The following LCN6 variants were observed in gnomAD, a reference collection of about 807,000 sequenced individuals.
LCN6 encodes epididymal-specific lipocalin-6.
LCN6 carries 20 observed loss-of-function variants against 21.4 expected under a neutral mutation model. The ratio of observed to expected loss-of-function variants is 0.93; its 90% CI spans 0.66 to 1.36. The LOEUF (loss-of-function observed/expected upper bound fraction) is 1.36. LCN6 is among the 40% of genes most tolerant of loss of function. LCN6 has a pLI of 0.00. For missense variants in LCN6, 217 were observed against 206.6 expected (o/e 1.05, Z -0.31); for synonymous variants, 96 against 89.0 (o/e 1.08, Z -0.44).
intron 1 of LCN6, 101 bp from the exon 2 acceptor site, chr9:136,747,664 T>TTG (rs1847062343): frequency 2.3e-6 from 2 of 856,410 alleles, no homozygotes; most frequent in African/African-American, 6.3e-5. Flanking sequence ...ACCTCCAGCC[T>TTG]CAGCCTCCAC....
chr9:136,746,157 G>A (rs1026591154), intron 2 of LCN6: 8 of 519,168 alleles, frequency 1.5e-5, no homozygotes, highest in Non-Finnish European at 1.4e-5. Context: ...CACCAGGAAC[G>A]CTGAATGCTG....
intron 1 of LCN6, 121 bp from the exon 2 acceptor site, chr9:136,747,684 A>AGCCTCCAGATC (rs1564327587): frequency 1.5e-6 from 1 of 667,414 alleles, no homozygotes; most frequent in African/African-American, 3.9e-5. Context: ...CCCTCCAACC[A>AGCCTCCAGATC]TCCAGCCCTC....
Position 136,745,695 on chromosome 9 carries a change from C to T in LCN6, c.301+149G>A, listed in dbSNP as rs115179553. ...AATCCTCTGTCCAGGGGCTTCTCTT[C>T]ACCCTCAGGATGGGCAGCAATCCCA... On this transcript the variant is annotated intron_variant, in intron 3 of 6. Transcript: ENST00000341206. 3.8e-3 allele frequency: 2,732 copies of T among 724,682 alleles called. 57 individuals carry two copies. The African/African-American group carries it at 0.042, about 11-fold the overall frequency. 44.9% of individuals were successfully genotyped at this position (724,682 alleles called of 1,614,324 possible).
chr9:136,747,962 C>T (rs1847072243), intron 1 of LCN6, among the ~76,000 whole-genome samples: 1 of 141,710 alleles, frequency 7.1e-6, no homozygotes, highest in South Asian at 2.2e-4. Context: ...AACCTCCAGC[C>T]TGCAGCCCTG....
Position 136,747,486 on chromosome 9 carries a change from G to A in LCN6, c.168C>T (p.Val56=), listed in dbSNP as rs1332307491. ...GFAMEKDMKN[V]VGVVVTLTPE... is the part of the protein sequence containing the mutation. The stretch of plus-strand genomic sequence containing the variant: ...GAGTGAGGGTCACCACCACCCCCAC[G>A]ACGTTCTTCATGTCCTTCTCCATGG... The change falls in exon 2 of 7, where the codon GTC becomes GTT. Residue 56 remains valine (V), a synonymous_variant. Coordinates refer to ENST00000341206, the MANE Select transcript of LCN6 (RefSeq NM_198946.3). 7 of 1,613,654 alleles carry A rather than the reference G, an allele frequency of 4.3e-6. No homozygotes were observed. Among genetic ancestry groups the A allele is most frequent in the Middle Eastern group, 1.7e-4 (1 of 6,058 alleles).
chr9:136,748,347 G>A, intron 1 of LCN6, 47 bp downstream of exon 1: 1 of 1,515,362 alleles, frequency 6.6e-7, no homozygotes, highest in South Asian at 1.2e-5. Context: ...TTAAAGGAGG[G>A]GCTGGCCCCC....
chr9:136,744,765 G>C lies in LCN6; in HGVS notation c.413-24C>G. 1 of 1,577,394 alleles carries C rather than the reference G, an allele frequency of 6.3e-7. No homozygotes were observed. The highest frequency in any genetic ancestry group is 1.3e-5 in the African/African-American group (1 of 74,374). On this transcript the variant is annotated intron_variant, in intron 4 of 6. Transcript: ENST00000341206. This position sits in a 1 kb window ranked among gnomAD's most constrained non-coding sequence, Gnocchi z 4.2. ...ACCTGGGGGCACCAGGGCAGTGCAG[G>C]GGGAAGCAACCTCTGAGAGCTGGGG...
chr9:136,747,756 C>T (rs1378097748), intron 1 of LCN6, among the ~76,000 whole-genome samples, 193 bp from the exon 2 acceptor site: 1 of 138,886 alleles, frequency 7.2e-6, no homozygotes, highest in Non-Finnish European at 1.6e-5. Context: ...CCAGCCTCCA[C>T]CCTCCAACCA....
Position 136,747,898 on chromosome 9 carries a change from C to T in LCN6, c.91-335G>A, listed in dbSNP as rs144237785. 7.3e-3 allele frequency among the ~76,000 whole-genome samples: 1,045 copies of T among 142,416 alleles called. 9 individuals are homozygous for T. Among genetic ancestry groups the T allele is most frequent in the African/African-American group, 0.027 (995 of 36,548 alleles). 93.4% of individuals were successfully genotyped at this position (142,416 alleles called of 152,430 possible). On this transcript the variant is annotated intron_variant, in intron 1 of 6. Coordinates refer to ENST00000341206, the MANE Select transcript of LCN6 (RefSeq NM_198946.3). ...CCAACCCCCCAGACCTCCAACCCTC[C>T]AGCCTCCAGCCTTCCAGCCCTACAG...
chr9:136,744,875 AG>A lies in LCN6; in HGVS notation c.413-135del. Reference sequence around the variant, plus strand: ...CCCCGGTCCTTCCAAAGCCACCTCCAGTGCAGCGAGCCTCAAGGTGGGGGAA... The same window carrying A: ...CCCCGGTCCTTCCAAAGCCACCTCCATGCAGCGAGCCTCAAGGTGGGGGAA... On this transcript the variant is annotated intron_variant, in intron 4 of 6. Coordinates refer to ENST00000341206, the MANE Select transcript of LCN6 (RefSeq NM_198946.3). This position sits in a 1 kb window ranked among gnomAD's most constrained non-coding sequence, Gnocchi z 4.2. 1 of 693,128 alleles carries A rather than the reference AG, an allele frequency of 1.4e-6. No individual in the cohort carries two copies. Among genetic ancestry groups the A allele is most frequent in the Non-Finnish European group, 2.5e-6 (1 of 399,632 alleles). The allele number at this position is 693,128 out of a possible 1,614,324, so 42.9% of individuals were successfully genotyped here. A position where few individuals can be genotyped will look rare whatever the true frequency, so the allele number is the denominator to read the frequency against.
In LCN6 at chr9:136,744,626, C is replaced by A; in HGVS notation, c.*22+14G>T. 1 of 1,546,684 alleles carries A rather than the reference C, an allele frequency of 6.5e-7. No individual in the cohort carries two copies. The highest frequency in any genetic ancestry group is 8.9e-7 in the Non-Finnish European group (1 of 1,125,562). On this transcript the variant is annotated intron_variant, in intron 5 of 6. Transcript: ENST00000341206. The surrounding 1 kb of genome is among the most constrained non-coding windows in gnomAD (Gnocchi z 4.2). ...CCCCAAGCCTCCCCCGAGGCTGCTC[C>A]GGTGGACACTCACGGTCCTTCTGCA...
At position 136,748,478 on chromosome 9, in the gene LCN6, G is replaced by A. The variant is rs535746769; in HGVS notation, c.6C>T (p.Gly2=). Residue 2 remains glycine (G), a synonymous_variant, in exon 1 of 7, where the codon GGC becomes GGT. Coordinates refer to ENST00000341206, the MANE Select transcript of LCN6 (RefSeq NM_198946.3). M[G]GLLLAAFLAL... is the part of the protein sequence containing the mutation. ...CCAGAAAAGCAGCCAGCAGCAGGCCGCCCATCCTCCCAGGTCTACACTGCG... is the reference window on the plus strand; with the variant it reads ...CCAGAAAAGCAGCCAGCAGCAGGCCACCCATCCTCCCAGGTCTACACTGCG... The A allele has an allele frequency of 1.4e-5, 22 of 1,612,404 alleles. No individual in the cohort carries two copies. The highest frequency in any genetic ancestry group is 8.9e-5 in the East Asian group (4 of 44,792).
chr9:136,746,346 A>T, intron 2 of LCN6, among the ~76,000 whole-genome samples: 1 of 9,362 alleles, frequency 1.1e-4, no homozygotes, highest in East Asian at 3.1e-3. Flanking sequence ...CAGGGGAAGG[A>T]TGGGGTGGGG....
At position 136,744,707 on chromosome 9, in the gene LCN6, C is replaced by G. The variant is rs1415319024; in HGVS notation, c.447G>C (p.Gly149=). 1.2e-6 allele frequency: 2 copies of G among 1,610,662 alleles called. No homozygotes were observed. Among genetic ancestry groups the G allele is most frequent in the Admixed American group, 3.3e-5 (2 of 59,884 alleles). Residue 149 remains glycine (G), a synonymous_variant, in exon 5 of 7, where the codon GGG becomes GGC. Coordinates refer to ENST00000341206, the MANE Select transcript of LCN6 (RefSeq NM_198946.3). This position sits in a 1 kb window ranked among gnomAD's most constrained non-coding sequence, Gnocchi z 4.2. ...LTETASQEAM[G]LFTKWSRSLG... ...GGCTCCTGCTCCACTTGGTGAAGAG[C>G]CCCATGGCCTCCTGGCTGGCTGTCT...
Position 136,744,967 on chromosome 9 carries a change from C to T in LCN6, c.412+203G>A, listed in dbSNP as rs1021965408. On this transcript the variant is annotated intron_variant, in intron 4 of 6. Coordinates refer to ENST00000341206, the MANE Select transcript of LCN6 (RefSeq NM_198946.3). The surrounding 1 kb of genome is among the most constrained non-coding windows in gnomAD (Gnocchi z 4.2). ...AGCTCCCCACATGGCCCCCGAGCGG[C>T]CCACTCACCACACAGCTCCCCATGT... is the stretch of plus-strand genomic sequence containing the variant. 6.6e-6 allele frequency among the ~76,000 whole-genome samples: 1 copy of T among 151,844 alleles called. No individual in the cohort carries two copies. The highest frequency in any genetic ancestry group is 2.4e-5 in the African/African-American group (1 of 41,324).
rs2131075180 is a variant in LCN6, at chr9:136,744,410, C to T, written c.*23-46G>A. On this transcript the variant is annotated intron_variant, in intron 5 of 6. Transcript: ENST00000341206. This position sits in a 1 kb window ranked among gnomAD's most constrained non-coding sequence, Gnocchi z 4.2. ...GGCTGTGAAAAAGGACTGAGCCCCC[C>T]AGCACCCCAGGGCCCCACCCACAAG... The T allele has an allele frequency of 2.1e-6, 1 of 471,568 alleles. No individual in the cohort carries two copies. Among genetic ancestry groups the T allele is most frequent in the East Asian group, 3.0e-5 (1 of 32,896 alleles). 29.2% of individuals were successfully genotyped at this position (471,568 alleles called of 1,614,324 possible). A position where few individuals can be genotyped will look rare whatever the true frequency, so the allele number is the denominator to read the frequency against.
rs372321788 is a variant in LCN6, at chr9:136,745,600, T to A, written c.301+244A>T. ...TGTAGACAGCCACTAAACAGGCCCCTCGCCCTCTGCACCTATGGGGACCTT... is the reference window on the plus strand; with the variant it reads ...TGTAGACAGCCACTAAACAGGCCCCACGCCCTCTGCACCTATGGGGACCTT... On this transcript the variant is annotated intron_variant, in intron 3 of 6. Coordinates refer to ENST00000341206, the MANE Select transcript of LCN6 (RefSeq NM_198946.3). 1.0e-5 allele frequency: 6 copies of A among 593,764 alleles called. No individual in the cohort carries two copies. In the East Asian group the frequency reaches 1.7e-4, roughly 17 times the overall value. 36.8% of individuals were successfully genotyped at this position (593,764 alleles called of 1,614,324 possible).
At chr9:136,746,422 A>T in intron 2 of LCN6, among the ~76,000 whole-genome samples, 1 of 150,314 alleles carries the variant, frequency 6.7e-6, no homozygotes, top group African/African-American at 2.5e-5. Flanking sequence ...GACTCGGGGG[A>T]AGGGGCCGGC....
In LCN6 at chr9:136,744,765, G is replaced by T; in HGVS notation, c.413-24C>A. The stretch of plus-strand genomic sequence containing the variant: ...ACCTGGGGGCACCAGGGCAGTGCAG[G>T]GGGAAGCAACCTCTGAGAGCTGGGG... On this transcript the variant is annotated intron_variant, in intron 4 of 6. Transcript: ENST00000341206. The surrounding 1 kb of genome is among the most constrained non-coding windows in gnomAD (Gnocchi z 4.2). 2 of 1,577,392 alleles carry T rather than the reference G, an allele frequency of 1.3e-6. No homozygotes were observed. The highest frequency in any genetic ancestry group is 1.7e-6 in the Non-Finnish European group (2 of 1,152,778).
Sources: allele counts gnomAD v4.1 joint callset (sites outside exome capture counted in the v4.1 genomes callset), GRCh38; gene constraint gnomAD v4.1.1; non-coding constraint Gnocchi (gnomAD v3.1); transcripts MANE v1.5; gene names NCBI Gene and HGNC (gene_info 2026-07-23, HGNC 2026-07-21).